INPP5A: variants seen among roughly 807,000 people sequenced by gnomAD.
INPP5A encodes inositol polyphosphate-5-phosphatase A.
INPP5A carries 14 observed loss-of-function variants against 65.2 expected under a neutral mutation model. The ratio of observed to expected loss-of-function variants is 0.21; its 90% CI spans 0.14 to 0.34. INPP5A has a LOEUF of 0.34. Ranked by LOEUF, INPP5A falls within the 10% of genes least tolerant of loss-of-function variation. The probability of loss-of-function intolerance (pLI) is 1.00; values close to 1 mark genes in which losing one functional copy is unlikely to be tolerated. For synonymous variants in INPP5A, 207 were observed against 208.3 expected, an observed-to-expected ratio of 0.99 and a Z score of 0.05; for missense variants, 431 against 545.6, an observed-to-expected ratio of 0.79 and a Z score of 2.09.
At chr10:132,552,458 G>A (rs2071067359) in intron 1 of INPP5A, among the ~76,000 whole-genome samples, 1 of 139,632 alleles carries the variant, frequency 7.2e-6, no homozygotes, top group Non-Finnish European at 1.6e-5. Context: ...TAGGGAGGGA[G>A]GATTGGTGAA....
chr10:132,554,913 G>GC (rs2071106806), intron 1 of INPP5A, among the ~76,000 whole-genome samples: 1 of 142,416 alleles, frequency 7.0e-6, no homozygotes, highest in African/African-American at 2.6e-5. Flanking sequence ...GGGTGGCATG[G>GC]TGTGGGTGGC....
rs1231024470 is a variant in INPP5A at position 132,782,905 on chromosome 10, A to C, written c.*876A>C. 1 of 152,412 alleles carries C rather than the reference A, an allele frequency of 6.6e-6. No homozygotes were observed. Among genetic ancestry groups the C allele is most frequent in the East Asian group, 1.9e-4 (1 of 5,186 alleles). The allele number at this position is 152,412 out of a possible 1,614,324, so 9.4% of individuals were successfully genotyped here. A position where few individuals can be genotyped will look rare whatever the true frequency, so the allele number is the denominator to read the frequency against. On this transcript the variant is annotated 3_prime_UTR_variant, in exon 16 of 16. Transcript: ENST00000368594. The surrounding 1 kb of genome is among the most constrained non-coding windows in gnomAD (Gnocchi z 4.4). ...TATAGCTAGCCTGGGTGTACCTTTT[A>C]AGAATTTTGTAAACCGTTTGTCTGT...
chr10:132,552,469 T>C (rs186123919), intron 1 of INPP5A, among the ~76,000 whole-genome samples: 828 of 76,804 alleles, frequency 0.011, 7 homozygotes, highest in African/African-American at 0.032. Flanking sequence ...GATTGGTGAA[T>C]GCCTTCTCAG....
At chr10:132,749,651 C>A in intron 10 of INPP5A, 39 bp downstream of exon 10, 3 of 1,602,424 alleles carry the variant, frequency 1.9e-6, no homozygotes, top group Non-Finnish European at 2.6e-6. Context: ...ACGCACGGGG[C>A]CTGCGCAGGA....
intron 4 of INPP5A, among the ~76,000 whole-genome samples, chr10:132,653,145 A>T (rs927865003): frequency 6.6e-6 from 1 of 152,148 alleles, no homozygotes; most frequent in Non-Finnish European, 1.5e-5. Context: ...CCTGGCTGGG[A>T]TACCTGAGAG....
chr10:132,782,000 C>T (rs1242262040), intron 15 of INPP5A, 37 bp from the exon 16 acceptor site: 36 of 1,611,316 alleles, frequency 2.2e-5, no homozygotes, highest in Non-Finnish European at 3.0e-5. Context: ...TTTCCTGGTG[C>T]GTTTGTTCCT....
intron 12 of INPP5A, among the ~76,000 whole-genome samples, chr10:132,777,198 G>A (rs1031702712): frequency 3.3e-5 from 5 of 152,186 alleles, no homozygotes; most frequent in African/African-American, 1.2e-4. Context: ...GATGCTCCCC[G>A]AGGTGGGAGC....
chr10:132,583,375 C>T (rs1157944344), intron 1 of INPP5A, among the ~76,000 whole-genome samples: 1 of 152,164 alleles, frequency 6.6e-6, no homozygotes, highest in Non-Finnish European at 1.5e-5. Flanking sequence ...CCTTTTTCTC[C>T]AGGCTTGAGG....
At chr10:132,594,597 AGTGT>A (rs1353146798) in intron 1 of INPP5A, among the ~76,000 whole-genome samples, 1 of 150,446 alleles carries the variant, frequency 6.6e-6, no homozygotes, top group Non-Finnish European at 1.5e-5. Context: ...GTGGTATGTG[AGTGT>A]GTGGGGTGCG....
At chr10:132,583,818 A>G (rs1028690322) in intron 1 of INPP5A, among the ~76,000 whole-genome samples, 1 of 152,170 alleles carries the variant, frequency 6.6e-6, no homozygotes, top group Non-Finnish European at 1.5e-5. Flanking sequence ...ACAGTGGTTT[A>G]TTGCTGTAAT....
At chr10:132,570,444 T>C (rs2071327249) in intron 1 of INPP5A, among the ~76,000 whole-genome samples, 1 of 152,026 alleles carries the variant, frequency 6.6e-6, no homozygotes, top group African/African-American at 2.4e-5. Context: ...CGACGAGGTA[T>C]GTGGAGTCCC....
chr10:132,684,421 T>C (rs1157293819), intron 4 of INPP5A, among the ~76,000 whole-genome samples: 1 of 152,180 alleles, frequency 6.6e-6, no homozygotes, highest in Non-Finnish European at 1.5e-5. Context: ...ATTACATATG[T>C]ATGTTTGTCT....
At chr10:132,571,717 A>G (rs2071343906) in intron 1 of INPP5A, among the ~76,000 whole-genome samples, 1 of 151,974 alleles carries the variant, frequency 6.6e-6, no homozygotes, top group South Asian at 2.1e-4. Context: ...TGCTGTAAGG[A>G]CCTCGAGTGT....
chr10:132,777,034 G>A (rs1364777526), intron 12 of INPP5A, among the ~76,000 whole-genome samples: 2 of 152,196 alleles, frequency 1.3e-5, no homozygotes, highest in Non-Finnish European at 2.9e-5. Flanking sequence ...TCACTGTGTG[G>A]GTGAAGGGCT....
Position 132,549,328 on chromosome 10 carries a change from G to A in INPP5A, c.75+11157G>A, listed in dbSNP as rs539262685. On this transcript the variant is annotated intron_variant, in intron 1 of 15. Coordinates refer to ENST00000368594, the MANE Select transcript of INPP5A (RefSeq NM_005539.5). The surrounding 1 kb of genome is among the most constrained non-coding windows in gnomAD (Gnocchi z 4.9). Reference sequence around the variant, plus strand: ...ATAGTTGCTGCCCCATTCGTGCCCCGTCGAGTGGTGTGGAAGGACTCTAGC... The same window carrying A: ...ATAGTTGCTGCCCCATTCGTGCCCCATCGAGTGGTGTGGAAGGACTCTAGC... Among the ~76,000 whole-genome samples, 11 of 152,270 alleles carry A rather than the reference G, an allele frequency of 7.2e-5. No individual in the cohort carries two copies. In the South Asian group the frequency reaches 8.3e-4, roughly 11 times the overall value.
chr10:132,729,190 G>A (rs999017326), intron 9 of INPP5A, among the ~76,000 whole-genome samples: 30 of 152,316 alleles, frequency 2.0e-4, no homozygotes, highest in African/African-American at 6.5e-4. Flanking sequence ...CCTCACCGGG[G>A]TTTGCCTGTG....
intron 1 of INPP5A, among the ~76,000 whole-genome samples, chr10:132,557,732 G>C (rs1010033192): frequency 1.3e-5 from 2 of 152,146 alleles, no homozygotes; most frequent in African/African-American, 4.8e-5. Context: ...CGAGTGTCTC[G>C]GGCTGCAGGG....
intron 12 of INPP5A, among the ~76,000 whole-genome samples, chr10:132,768,353 G>A (rs1371169375): frequency 2.1e-5 from 3 of 145,710 alleles, no homozygotes; most frequent in Non-Finnish European, 3.0e-5. Context: ...CATGGACCCC[G>A]ACCCTCAGCG....
At chr10:132,747,124 A>G (rs556010296) in intron 9 of INPP5A, among the ~76,000 whole-genome samples, 1 of 152,392 alleles carries the variant, frequency 6.6e-6, no homozygotes, top group South Asian at 2.1e-4. Context: ...TGGGATGGCT[A>G]CAATGGCCGT....
Sources: gnomAD v4.1 joint callset for allele counts (sites outside exome capture counted in the v4.1 genomes callset) on GRCh38, gnomAD v4.1.1 for gene constraint, Gnocchi (gnomAD v3.1) non-coding constraint, MANE v1.5 for transcripts, NCBI Gene and HGNC (gene_info 2026-07-23, HGNC 2026-07-21) for gene names.